TRPM6: variants seen among roughly 807,000 people sequenced by gnomAD.
The protein encoded by TRPM6 is channel kinase 2.
A neutral mutation model predicts 247.6 loss-of-function variants in TRPM6; 111 were observed. That is an observed-to-expected ratio of 0.45 (90% CI 0.38 to 0.52). The LOEUF (loss-of-function observed/expected upper bound fraction) is 0.52, where lower values mean the gene tolerates loss of function less well. Among genes scored for constraint, TRPM6 ranks in the 20% least tolerant of loss-of-function variants. The probability of loss-of-function intolerance (pLI) is 0.00; values close to 1 mark genes in which losing one functional copy is unlikely to be tolerated. For missense variants in TRPM6, 2,126 were observed against 2,421.5 expected, an observed-to-expected ratio of 0.88 and a Z score of 2.56; for synonymous variants, 892 against 853.8, an observed-to-expected ratio of 1.04 and a Z score of -0.78.
Position 74,801,060 on chromosome 9 carries a change from CGAG to C in TRPM6, c.2010-581_2010-579del, listed in dbSNP as rs368682387. ...CCTAGAGACACCCCCATGTGATTTT[CGAG>C]GAGAATGTTTCCTCTGAAAGGTAGA... is the stretch of plus-strand genomic sequence containing the variant. On this transcript the variant is annotated intron_variant, in intron 16 of 38. Coordinates refer to ENST00000360774, the MANE Select transcript of TRPM6 (RefSeq NM_017662.5). Among the ~76,000 whole-genome samples, 326 of 151,872 alleles carry C rather than the reference CGAG, an allele frequency of 2.1e-3. 6 individuals carry two copies. The highest frequency in any genetic ancestry group is 7.5e-3 in the African/African-American group (312 of 41,390).
At chr9:74,801,834 T>TA (rs959812464) in intron 16 of TRPM6, 64 bp downstream of exon 16, 1 of 1,587,212 alleles carries the variant, frequency 6.3e-7, no homozygotes, top group Non-Finnish European at 8.6e-7. Flanking sequence ...ATGAGAGAGA[T>TA]AAAAGTGTCT....
intron 1 of TRPM6, chr9:74,887,231 C>T (rs952993504): frequency 6.2e-5 from 79 of 1,273,780 alleles, no homozygotes; most frequent in Middle Eastern, 2.0e-4. Context: ...GGGTGTTTAC[C>T]GTAACCGGCG....
Position 74,855,453 on chromosome 9 carries a change from T to G in TRPM6, c.152+74A>C. On this transcript the variant is annotated intron_variant, in intron 3 of 38. Coordinates refer to ENST00000360774, the MANE Select transcript of TRPM6 (RefSeq NM_017662.5). ...CCATTTACTGAGTACATTCAAGATA[T>G]GAGGAAACTGTCCCAGTGAATTTTA... 1.9e-5 allele frequency: 19 copies of G among 1,021,288 alleles called. No individual in the cohort carries two copies. In the South Asian group the frequency reaches 2.4e-4, roughly 13 times the overall value. The allele number at this position is 1,021,288 out of a possible 1,614,324, so 63.3% of individuals were successfully genotyped here.
rs769798167 is a variant in TRPM6, at chr9:74,762,156, T to C, written c.4515A>G (p.Arg1505=). 22 of 1,614,192 alleles carry C rather than the reference T, an allele frequency of 1.4e-5. 1 individual carries two copies. The South Asian group carries it at 2.4e-4, about 18-fold the overall frequency. Residue 1505 remains arginine (R), a synonymous_variant, in exon 26 of 39, where the codon AGA becomes AGG. Transcript: ENST00000360774. Reference sequence around the variant, plus strand: ...CTGAGCATTCACTACTCTGGGCCGATCTTGTTGAGTTATCAGATAGGGAGC... The same window carrying C: ...CTGAGCATTCACTACTCTGGGCCGACCTTGTTGAGTTATCAGATAGGGAGC... The part of the protein sequence containing the change: ...QDSSLSDNST[R]SAQSSECSEV...
At chr9:74,790,020 G>A (rs1827849115) in intron 19 of TRPM6, among the ~76,000 whole-genome samples, 1 of 149,690 alleles carries the variant, frequency 6.7e-6, no homozygotes, top group South Asian at 2.1e-4. Context: ...GTGTGTGTGT[G>A]TGTGTGTGTG....
chr9:74,856,747 C>T (rs1234265249), intron 2 of TRPM6, among the ~76,000 whole-genome samples: 3 of 151,784 alleles, frequency 2.0e-5, no homozygotes, highest in Non-Finnish European at 2.9e-5. Context: ...AAACTTTTAT[C>T]GATATTTTAA....
At chr9:74,869,250 C>T (rs551318746) in intron 1 of TRPM6, among the ~76,000 whole-genome samples, 183 of 152,080 alleles carry the variant, frequency 1.2e-3, no homozygotes, top group African/African-American at 4.3e-3. Context: ...GCAGGCAGAT[C>T]ACAAGGTCAG....
Position 74,761,828 on chromosome 9 carries a change from A to T in TRPM6, c.4673-20T>A. 1.3e-6 allele frequency: 2 copies of T among 1,584,354 alleles called. No individual in the cohort carries two copies. Among genetic ancestry groups the T allele is most frequent in the Non-Finnish European group, 1.7e-6 (2 of 1,152,922 alleles). ...AAAGATCTGCAAGGAAATGGTCTAC[A>T]TGAGAAAGTTGACAACAGTAAGTGG... On this transcript the variant is annotated intron_variant, in intron 26 of 38. Coordinates refer to ENST00000360774, the MANE Select transcript of TRPM6 (RefSeq NM_017662.5).
At chr9:74,870,637 C>T (rs779238599) in intron 1 of TRPM6, among the ~76,000 whole-genome samples, 2 of 152,206 alleles carry the variant, frequency 1.3e-5, no homozygotes, top group South Asian at 4.2e-4. Context: ...AATAGGCACT[C>T]CACGGGCTGG....
At chr9:74,793,143 G>A (rs896255243) in intron 18 of TRPM6, among the ~76,000 whole-genome samples, 1 of 152,110 alleles carries the variant, frequency 6.6e-6, no homozygotes, top group Non-Finnish European at 1.5e-5. Context: ...GTGACAGAGT[G>A]AGACTCTGTC....
At chr9:74,793,083 G>A (rs1587511852) in intron 18 of TRPM6, among the ~76,000 whole-genome samples, 1 of 152,122 alleles carries the variant, frequency 6.6e-6, no homozygotes, top group East Asian at 1.9e-4. Flanking sequence ...TTGAACCCGG[G>A]AGGCAGAGGT....
chr9:74,776,897 G>C (rs1323211456), intron 23 of TRPM6, among the ~76,000 whole-genome samples: 1 of 152,128 alleles, frequency 6.6e-6, no homozygotes, highest in Non-Finnish European at 1.5e-5. Context: ...AGTTTATTTA[G>C]AGAAAGATAG....
chr9:74,830,474 C>A (rs1829504921), intron 6 of TRPM6, among the ~76,000 whole-genome samples: 1 of 152,080 alleles, frequency 6.6e-6, no homozygotes. Context: ...GGGATCACTG[C>A]AACCTCTGCC....
chr9:74,783,052 T>C (rs1291483131), intron 21 of TRPM6, among the ~76,000 whole-genome samples, 199 bp from the exon 22 acceptor site: 1 of 152,240 alleles, frequency 6.6e-6, no homozygotes, highest in Non-Finnish European at 1.5e-5. Flanking sequence ...TCAAGTCAAC[T>C]TGGTCTATGG....
rs780355965 is a variant in TRPM6 at position 74,812,299 on chromosome 9, T to C, written c.1443A>G (p.Thr481=). ...GATTGATGAAATGTTCCATACTCACTGTATTGTAGAGCTCTTCCAGTCGAG... is the reference window on the plus strand; with the variant it reads ...GATTGATGAAATGTTCCATACTCACCGTATTGTAGAGCTCTTCCAGTCGAG... The part of the protein sequence containing the change: ...TIPRLEELYN[T]KQGPTNTLLH... Residue 481 remains threonine (T), a splice_region_variant and synonymous_variant, in exon 12 of 39, where the codon ACA becomes ACG. Coordinates refer to ENST00000360774, the MANE Select transcript of TRPM6 (RefSeq NM_017662.5). 6.2e-7 allele frequency: 1 copy of C among 1,613,730 alleles called. No homozygotes were observed. The highest frequency in any genetic ancestry group is 8.5e-7 in the Non-Finnish European group (1 of 1,179,836).
At chr9:74,808,478 C>T (rs1476137290) in intron 13 of TRPM6, among the ~76,000 whole-genome samples, 1 of 152,192 alleles carries the variant, frequency 6.6e-6, no homozygotes, top group African/African-American at 2.4e-5. Context: ...TATATACACA[C>T]ACGTTTGAGT....
chr9:74,752,182 A>AAGCCAATT, intron 29 of TRPM6, 95 bp downstream of exon 29: 1 of 709,426 alleles, frequency 1.4e-6, no homozygotes, highest in Admixed American at 2.2e-5. Flanking sequence ...TAAAAAGTAG[A>AAGCCAATT]AGCCAATTAA....
chr9:74,818,836 T>C (rs902976302), intron 9 of TRPM6, among the ~76,000 whole-genome samples: 17 of 151,894 alleles, frequency 1.1e-4, no homozygotes, highest in South Asian at 4.1e-4. Flanking sequence ...TTCGTCATGC[T>C]TCCTCTAGCC....
intron 37 of TRPM6, 112 bp from the exon 38 acceptor site, chr9:74,728,457 G>T: frequency 1.3e-6 from 1 of 781,620 alleles, no homozygotes; most frequent in South Asian, 1.5e-5. Flanking sequence ...ACTTGAAGGA[G>T]CCAACAAAAA....
Sources: allele counts gnomAD v4.1 joint callset (sites outside exome capture counted in the v4.1 genomes callset), GRCh38; gene constraint gnomAD v4.1.1; transcripts MANE v1.5; gene names NCBI Gene and HGNC (gene_info 2026-07-23, HGNC 2026-07-21).